Variants in IL31RA observed in about 807,000 individuals in gnomAD.
The protein encoded by IL31RA is interleukin 31 receptor A, also known as interleukin-31 receptor subunit alpha.
IL31RA carries 66 observed loss-of-function variants against 83.7 expected under a neutral mutation model. The observed-to-expected ratio is 0.79, with a 90% CI of 0.65 to 0.97. The LOEUF (loss-of-function observed/expected upper bound fraction) is 0.97, where lower values mean the gene tolerates loss of function less well. Among genes scored for constraint, IL31RA ranks in the 50% least tolerant of loss-of-function variants. IL31RA has a pLI of 0.00. For missense variants in IL31RA, 798 were observed against 919.4 expected, an observed-to-expected ratio of 0.87 and a Z score of 1.71; for synonymous variants, 325 against 329.0, an observed-to-expected ratio of 0.99 and a Z score of 0.13.
chr5:55,889,104 C>G (rs1319478606), intron 5 of IL31RA, among the ~76,000 whole-genome samples: 1 of 151,930 alleles, frequency 6.6e-6, no homozygotes, highest in Admixed American at 6.6e-5. Context: ...AACCTTTAGG[C>G]TTTGGGTTTT....
the IL31RA span, among the ~76,000 whole-genome samples, chr5:55,842,209 C>G: frequency 2.6e-5 from 4 of 152,192 alleles, no homozygotes; most frequent in Admixed American, 2.6e-4. Flanking sequence ...CTGTGTCTGT[C>G]TCTTCTGTTT....
rs926272493 is a variant in IL31RA at position 55,918,766 on chromosome 5, GTCC to G, written c.*1651_*1653del. ...GGTGTGGCTGCTCTCTCAAAGCTCT[GTCC>G]TCCTAACATCTCCAGCGGCTGCAGC... is the stretch of plus-strand genomic sequence containing the variant. On this transcript the variant is annotated 3_prime_UTR_variant, in exon 15 of 15. Transcript: ENST00000652347. 6.6e-5 allele frequency among the ~76,000 whole-genome samples: 10 copies of G among 152,048 alleles called. No individual in the cohort carries two copies. Among genetic ancestry groups the G allele is most frequent in the Non-Finnish European group, 1.3e-4 (9 of 68,018 alleles).
chr5:55,849,513 A>G (rs1189156616), upstream of IL31RA, among the ~76,000 whole-genome samples: 1 of 152,194 alleles, frequency 6.6e-6, no homozygotes, highest in East Asian at 1.9e-4. Context: ...TTCTTATATA[A>G]CATTTTCTTT....
At chr5:55,890,892 G>C (rs1044555155) in intron 6 of IL31RA, among the ~76,000 whole-genome samples, 1 of 152,326 alleles carries the variant, frequency 6.6e-6, no homozygotes, top group Non-Finnish European at 1.5e-5. Context: ...CAGTGGCCTT[G>C]GCTTAAATCC....
chr5:55,870,770 A>C (rs1318505870), intron 3 of IL31RA, among the ~76,000 whole-genome samples: 4 of 152,206 alleles, frequency 2.6e-5, no homozygotes, highest in African/African-American at 9.6e-5. Context: ...TGGATGGCCT[A>C]CCTGGGAGCA....
At chr5:55,889,916 T>C (rs1747874746) in intron 5 of IL31RA, 54 bp from the exon 6 acceptor site, 2 of 1,535,554 alleles carry the variant, frequency 1.3e-6, no homozygotes, top group Admixed American at 3.3e-5. Context: ...AAGAGGAAAA[T>C]GGGAGGATAA....
chr5:55,916,537 G>A, intron 14 of IL31RA, 107 bp from the exon 15 acceptor site: 2 of 912,312 alleles, frequency 2.2e-6, no homozygotes, highest in South Asian at 2.7e-5. Context: ...AGGAAGGTGG[G>A]GGCTGTTCCA....
intron 12 of IL31RA, among the ~76,000 whole-genome samples, chr5:55,912,991 G>A (rs1452728132): frequency 6.6e-6 from 1 of 152,114 alleles, no homozygotes; most frequent in Non-Finnish European, 1.5e-5. Context: ...AAATTAAAAA[G>A]TAAGTGCTCA....
chr5:55,859,575 T>G lies in IL31RA; in HGVS notation c.130T>G (p.Ser44Ala). ...GACCTGGGCACTGTGGATGCTCCCC[T>G]CACTCTGCAAATTCAGCCTGGCAGG... ...MWTWALWMLP[S>A]LCKFSLAALP... The change falls in exon 2 of 15, where the codon TCA (serine) becomes GCA (alanine). Residue 44 changes from serine to alanine, a missense_variant. Coordinates refer to ENST00000652347, the MANE Select transcript of IL31RA (RefSeq NM_139017.7). The G allele has an allele frequency of 6.2e-7, 1 of 1,612,218 alleles. No homozygotes were observed. Among genetic ancestry groups the G allele is most frequent in the Non-Finnish European group, 8.5e-7 (1 of 1,178,400 alleles).
rs1443237820 is a variant in IL31RA, at chr5:55,882,978, G to C, written c.455-66G>C. ...CACGTATCATTTTTTTTCAATTTTG[G>C]GTGGATGCTATTAGCAAATTCTTAT... On this transcript the variant is annotated intron_variant, in intron 4 of 14. Coordinates refer to ENST00000652347, the MANE Select transcript of IL31RA (RefSeq NM_139017.7). 3.4e-6 allele frequency: 5 copies of C among 1,471,272 alleles called. No individual in the cohort carries two copies. The East Asian group carries it at 6.8e-5, about 20-fold the overall frequency. 91.1% of individuals were successfully genotyped at this position (1,471,272 alleles called of 1,614,324 possible).
intron 5 of IL31RA, among the ~76,000 whole-genome samples, chr5:55,889,460 A>T (rs997233235): frequency 7.9e-5 from 12 of 152,268 alleles, no homozygotes; most frequent in Non-Finnish European, 1.2e-4. Flanking sequence ...CCGAGGAGTG[A>T]AGAAATCTGT....
At position 55,899,960 on chromosome 5, in the gene IL31RA, C is replaced by T. The variant is rs150335627; in HGVS notation, c.897C>T (p.Asn299=). 63 of 1,614,076 alleles carry T rather than the reference C, an allele frequency of 3.9e-5. No individual in the cohort carries two copies. The highest frequency in any genetic ancestry group is 4.7e-5 in the Non-Finnish European group (56 of 1,180,030). The change falls in exon 8 of 15, where the codon AAC becomes AAT. Residue 299 remains asparagine, a synonymous_variant. Coordinates refer to ENST00000652347, the MANE Select transcript of IL31RA (RefSeq NM_139017.7). The part of the protein sequence containing the change: ...APVLEKTLGY[N]IWYYPESNTN... ...TCCTAGAGAAAACACTTGGCTACAA[C>T]ATATGGTACTATCCAGAAAGCAACA...
At chr5:55,885,900 A>G (rs777307048) in intron 5 of IL31RA, among the ~76,000 whole-genome samples, 19 of 152,158 alleles carry the variant, frequency 1.2e-4, no homozygotes, top group Non-Finnish European at 2.5e-4. Flanking sequence ...CGTGAACCTG[A>G]GAAACTTCTG....
chr5:55,896,484 CTCCCTTCCCTCCCTTCCCTCCCTTCCA>C, intron 7 of IL31RA, 55 bp downstream of exon 7: 1 of 924,140 alleles, frequency 1.1e-6, no homozygotes, highest in Non-Finnish European at 1.8e-6. Context: ...CCTCCTTTCC[CTCCCTTCCCTCCCTTCCCTCCCTTCCA>C]TCCCTTCCAT....
At chr5:55,853,992 C>T (rs1745208586) in intron 1 of IL31RA, among the ~76,000 whole-genome samples, 1 of 152,178 alleles carries the variant, frequency 6.6e-6, no homozygotes, top group African/African-American at 2.4e-5. Context: ...GAGTTTGAAT[C>T]TCATTTATGC....
the IL31RA span, chr5:55,840,036 C>A: frequency 4.5e-6 from 2 of 448,608 alleles, no homozygotes; most frequent in East Asian, 8.9e-5. Flanking sequence ...TGTCTCTTAC[C>A]TGGTCTGGTG....
intron 2 of IL31RA, among the ~76,000 whole-genome samples, chr5:55,866,390 G>C (rs1746046607): frequency 6.6e-6 from 1 of 152,008 alleles, no homozygotes; most frequent in African/African-American, 2.4e-5. Flanking sequence ...TTGGGGGATG[G>C]TTTCAGGATG....
intron 2 of IL31RA, among the ~76,000 whole-genome samples, chr5:55,868,010 G>A (rs1746294477): frequency 6.6e-6 from 1 of 152,118 alleles, no homozygotes; most frequent in African/African-American, 2.4e-5. Flanking sequence ...GGTACCTGCA[G>A]CAACGAAAAT....
At chr5:55,875,167 T>G (rs1299953166) in intron 4 of IL31RA, among the ~76,000 whole-genome samples, 1 of 152,214 alleles carries the variant, frequency 6.6e-6, no homozygotes, top group Non-Finnish European at 1.5e-5. Flanking sequence ...GTGTCTTACA[T>G]TGACTGGTTT....
Sources: gnomAD v4.1 joint callset for allele counts (sites outside exome capture counted in the v4.1 genomes callset) on GRCh38, gnomAD v4.1.1 for gene constraint, MANE v1.5 for transcripts, NCBI Gene and HGNC (gene_info 2026-07-23, HGNC 2026-07-21) for gene names.